Variants in PDE10A observed in about 807,000 individuals in gnomAD.
PDE10A encodes the protein cAMP and cAMP-inhibited cGMP 3',5'-cyclic phosphodiesterase 10A.
In PDE10A, 39 loss-of-function variants were observed where a neutral mutation model predicts 97.7. The observed-to-expected ratio is 0.40, with a 90% CI of 0.31 to 0.52. The LOEUF (loss-of-function observed/expected upper bound fraction) is 0.52, where lower values mean the gene tolerates loss of function less well. PDE10A is among the 20% of genes least tolerant of loss of function. The pLI is 0.56. For missense variants in PDE10A, 731 were observed against 1,047.8 expected (o/e 0.70, Z 4.17); for synonymous variants, 371 against 376.8 (o/e 0.98, Z 0.18).
intron 1 of PDE10A, among the ~76,000 whole-genome samples, chr6:165,613,326 T>C (rs1053321935): frequency 2.0e-5 from 3 of 152,134 alleles, no homozygotes; most frequent in Admixed American, 6.6e-5. Flanking sequence ...GAGGAAGCCA[T>C]AGAATTTCAG....
chr6:165,905,598 G>T (rs147195407), intron 1 of PDE10A, among the ~76,000 whole-genome samples: 1 of 151,682 alleles, frequency 6.6e-6, no homozygotes, highest in African/African-American at 2.4e-5. Context: ...ATTTTAAATC[G>T]CCATTTACAT....
At chr6:165,443,817 G>A (rs1041420200) in intron 5 of PDE10A, among the ~76,000 whole-genome samples, 16 of 152,324 alleles carry the variant, frequency 1.1e-4, no homozygotes, top group Admixed American at 1.0e-3. Context: ...GAGCAGCAAG[G>A]CCTTGGGCTT....
rs115504845 is a variant in PDE10A at position 165,342,640 on chromosome 6, C to T, written c.2895+751G>A. 4.3e-3 allele frequency among the ~76,000 whole-genome samples: 660 copies of T among 152,242 alleles called. 7 individuals are homozygous for T. Among genetic ancestry groups the T allele is most frequent in the African/African-American group, 0.015 (616 of 41,546 alleles). ...CGATTGAATTATCAGCTGCTTTGTC[C>T]TCCAAATTTACTTTTATTTATTCAA... On this transcript the variant is annotated intron_variant, in intron 19 of 21. Coordinates refer to ENST00000539869, the MANE Select transcript of PDE10A (RefSeq NM_001385079.1).
intron 2 of PDE10A, among the ~76,000 whole-genome samples, chr6:165,539,682 G>A (rs887925083): frequency 6.6e-5 from 10 of 152,178 alleles, no homozygotes; most frequent in Non-Finnish European, 1.3e-4. Context: ...AGCGCTCCGG[G>A]AGGCTGGGGT....
intron 13 of PDE10A, chr6:165,409,612 G>C (rs1254087196): frequency 6.2e-6 from 1 of 162,200 alleles, no homozygotes; most frequent in East Asian, 1.8e-4. Context: ...GATCTCGGAA[G>C]CTAAGCAGGG....
At chr6:165,359,029 A>G (rs183787192) in intron 18 of PDE10A, among the ~76,000 whole-genome samples, 11 of 152,154 alleles carry the variant, frequency 7.2e-5, no homozygotes, top group East Asian at 1.9e-4. Flanking sequence ...AATATATAGA[A>G]CTATAATTCT....
At chr6:165,688,583 T>C (rs1791187587) in intron 1 of PDE10A, among the ~76,000 whole-genome samples, 1 of 152,054 alleles carries the variant, frequency 6.6e-6, no homozygotes, top group East Asian at 1.9e-4. Context: ...CAACTGTTGG[T>C]GTGATGGGCA....
At chr6:165,451,424 C>T (rs1791282620) in intron 3 of PDE10A, among the ~76,000 whole-genome samples, 1 of 152,196 alleles carries the variant, frequency 6.6e-6, no homozygotes, top group Admixed American at 6.5e-5. Flanking sequence ...AAAATTCTGT[C>T]TCTCCATGGC....
At chr6:165,822,105 G>A (rs755029091) in intron 1 of PDE10A, among the ~76,000 whole-genome samples, 2 of 152,148 alleles carry the variant, frequency 1.3e-5, no homozygotes, top group Admixed American at 6.6e-5. Context: ...AAATACAATC[G>A]TCAGTTGCTT....
intron 1 of PDE10A, among the ~76,000 whole-genome samples, chr6:165,827,724 T>C (rs150655091): frequency 0.015 from 2,314 of 152,284 alleles, 56 homozygotes; most frequent in African/African-American, 0.052. Context: ...AGTTCTTTAG[T>C]GGTGATTTCT....
chr6:165,953,459 C>T (rs575370035), intron 1 of PDE10A, among the ~76,000 whole-genome samples: 13 of 152,112 alleles, frequency 8.5e-5, no homozygotes, highest in South Asian at 2.1e-4. Flanking sequence ...GGTGTGGTGG[C>T]GCACACCTAT....
intron 1 of PDE10A, among the ~76,000 whole-genome samples, chr6:165,694,229 C>G (rs905983887): frequency 1.3e-5 from 2 of 152,168 alleles, no homozygotes; most frequent in South Asian, 2.1e-4. Flanking sequence ...GACAGAGAAT[C>G]CTTTATTTTG....
chr6:165,686,412 G>C (rs1173243962), intron 1 of PDE10A, among the ~76,000 whole-genome samples: 2 of 152,174 alleles, frequency 1.3e-5, no homozygotes, highest in African/African-American at 2.4e-5. Flanking sequence ...GCTTGTTGTT[G>C]TTGGATGTCT....
chr6:165,542,192 G>A (rs1044657024), intron 2 of PDE10A, among the ~76,000 whole-genome samples: 4 of 152,052 alleles, frequency 2.6e-5, no homozygotes, highest in Non-Finnish European at 5.9e-5. Flanking sequence ...TTTAAAAAAA[G>A]TTGAACAGTC....
intron 1 of PDE10A, among the ~76,000 whole-genome samples, chr6:165,921,157 C>G (rs1249016160): frequency 6.6e-6 from 1 of 152,176 alleles, no homozygotes; most frequent in Non-Finnish European, 1.5e-5. Context: ...CCAGCCATAC[C>G]TCTGACTGTG....
rs538698644 is a variant in PDE10A, at chr6:165,905,167, C to G, written c.-615+82362G>C. ...GCCATTCAACTACATAAAGTGATTT[C>G]TTTAACTTTACAAAAGTAATATTTT... is the stretch of plus-strand genomic sequence containing the variant. On this transcript the variant is annotated intron_variant, in intron 1 of 19. Transcript: ENST00000366882. Among the ~76,000 whole-genome samples the G allele has an allele frequency of 5.9e-5, 9 of 152,262 alleles. 1 individual carries two copies. The South Asian group carries it at 1.7e-3, about 28-fold the overall frequency.
intron 2 of PDE10A, among the ~76,000 whole-genome samples, chr6:165,505,293 A>C (rs1396568435): frequency 6.6e-6 from 1 of 152,258 alleles, no homozygotes; most frequent in East Asian, 1.9e-4. Context: ...ATTGCCTTAC[A>C]AATTCAAAAG....
At chr6:165,641,951 TG>T (rs1789156199) in intron 1 of PDE10A, among the ~76,000 whole-genome samples, 1 of 151,962 alleles carries the variant, frequency 6.6e-6, no homozygotes, top group African/African-American at 2.4e-5. Context: ...CCAGCTGGAG[TG>T]GCAGAGGCGT....
At chr6:165,691,120 AGTGCCTGTGGT>A in intron 1 of PDE10A, among the ~76,000 whole-genome samples, 1 of 28,226 alleles carries the variant, frequency 3.5e-5, no homozygotes, top group African/African-American at 1.1e-4. Context: ...CCCCCCCATC[AGTGCCTGTGGT>A]CACATAAGCC....
Sources: allele counts gnomAD v4.1 joint callset (sites outside exome capture counted in the v4.1 genomes callset), GRCh38; gene constraint gnomAD v4.1.1; transcripts MANE v1.5; gene names NCBI Gene and HGNC (gene_info 2026-07-23, HGNC 2026-07-21).